Variants in CFAP44 observed in about 807,000 individuals in gnomAD.
CFAP44 encodes the protein cilia- and flagella-associated protein 44.
CFAP44 carries 134 observed loss-of-function variants against 216.2 expected under a neutral mutation model. That is an observed-to-expected ratio of 0.62 (90% CI 0.54 to 0.72). CFAP44 has a LOEUF of 0.72. Ranked by LOEUF, CFAP44 falls within the 30% of genes least tolerant of loss-of-function variation. The pLI is 0.00. For synonymous variants in CFAP44, 700 were observed against 727.6 expected (o/e 0.96, Z 0.61); for missense variants, 2,035 against 2,182.1 (o/e 0.93, Z 1.34).
Position 113,409,245 on chromosome 3 carries a change from C to G in CFAP44, c.751G>C (p.Asp251His), listed in dbSNP as rs1385084315. The change falls in exon 7 of 35, where the codon GAC (aspartate) becomes CAC (histidine). Residue 251 changes from aspartate to histidine, a missense_variant. Around this residue, in one of 3 missense-constraint regions of CFAP44, gnomAD observed 1,883 missense variants for 2,023.7 expected, o/e 0.93. Coordinates refer to ENST00000393845, the MANE Select transcript of CFAP44 (RefSeq NM_001164496.2). ...CAGTTCCAGATAGTCAGTGTGTAGT[C>G]AGGGTTACTACCAACAGAGGCCAGC... ...NLLASVGSNPDYTLTIWNWKE... is the reference protein window; with the variant it reads ...NLLASVGSNPHYTLTIWNWKE... 6.2e-7 allele frequency: 1 copy of G among 1,613,970 alleles called. No homozygotes were observed. The highest frequency in any genetic ancestry group is 2.2e-5 in the East Asian group (1 of 44,882).
intron 25 of CFAP44, among the ~76,000 whole-genome samples, chr3:113,332,719 G>A (rs944393288): frequency 3.3e-5 from 5 of 152,200 alleles, no homozygotes; most frequent in African/African-American, 1.2e-4. Flanking sequence ...ATTGAAAGTG[G>A]TTTGGAAGAA....
intron 6 of CFAP44, among the ~76,000 whole-genome samples, chr3:113,415,819 G>A (rs563591033): frequency 8.3e-4 from 126 of 152,274 alleles, no homozygotes; most frequent in African/African-American, 2.8e-3. Flanking sequence ...GTGGCACTGA[G>A]AAGAATGTAT....
At chr3:113,305,925 T>C (rs1406212499) in intron 30 of CFAP44, among the ~76,000 whole-genome samples, 3 of 152,208 alleles carry the variant, frequency 2.0e-5, no homozygotes, top group Non-Finnish European at 4.4e-5. Context: ...TAAATACATA[T>C]ACATTTATTG....
Position 113,358,737 on chromosome 3 carries a change from G to A in CFAP44, c.3065+8C>T, listed in dbSNP as rs1950513263. The stretch of plus-strand genomic sequence containing the variant: ...AACATCTTAGCTTGTAGAGAATATG[G>A]ATCCTACCGATTCTTTAGCTTCATT... On this transcript the variant is annotated splice_region_variant and intron_variant, in intron 22 of 34. Coordinates refer to ENST00000393845, the MANE Select transcript of CFAP44 (RefSeq NM_001164496.2). The A allele has an allele frequency of 1.3e-6, 2 of 1,536,146 alleles. No individual in the cohort carries two copies. The highest frequency in any genetic ancestry group is 2.0e-5 in the Admixed American group (1 of 50,946).
chr3:113,419,139 G>A (rs554324507), intron 5 of CFAP44, among the ~76,000 whole-genome samples: 1 of 152,322 alleles, frequency 6.6e-6, no homozygotes, highest in East Asian at 1.9e-4. Context: ...ATAATTAGAT[G>A]TTTCTTGGTC....
chr3:113,406,459 C>T (rs1934281746), intron 8 of CFAP44, among the ~76,000 whole-genome samples: 1 of 152,068 alleles, frequency 6.6e-6, no homozygotes, highest in Admixed American at 6.5e-5. Flanking sequence ...CCCGTCTCTA[C>T]TAAAAATACA....
intron 34 of CFAP44, among the ~76,000 whole-genome samples, chr3:113,293,681 A>G (rs1175623551): frequency 2.6e-5 from 4 of 152,222 alleles, no homozygotes; most frequent in Non-Finnish European, 5.9e-5. Flanking sequence ...CCTTCACTCA[A>G]AAGTTCTTCA....
At chr3:113,413,082 G>A (rs1378176096) in intron 6 of CFAP44, among the ~76,000 whole-genome samples, 1 of 152,010 alleles carries the variant, frequency 6.6e-6, no homozygotes, top group Admixed American at 6.6e-5. Flanking sequence ...GGCATGAGAT[G>A]GTATCTCATT....
At chr3:113,404,204 A>G (rs2107364400) in intron 8 of CFAP44, 188 bp from the exon 9 acceptor site, 1 of 646,060 alleles carries the variant, frequency 1.5e-6, no homozygotes. Flanking sequence ...TAACATTTTG[A>G]TGTATTTCCT....
chr3:113,407,372 T>C (rs1301039041), intron 7 of CFAP44, among the ~76,000 whole-genome samples: 1 of 152,212 alleles, frequency 6.6e-6, no homozygotes, highest in East Asian at 1.9e-4. Flanking sequence ...AAAATCAACA[T>C]TTTAGTGTTT....
At chr3:113,363,595 T>C (rs1950561942) in intron 19 of CFAP44, 63 bp from the exon 20 acceptor site, 2 of 1,368,488 alleles carry the variant, frequency 1.5e-6, no homozygotes, top group Admixed American at 2.5e-5. Flanking sequence ...TTAAAATATC[T>C]AGGAAGAAGT....
intron 15 of CFAP44, among the ~76,000 whole-genome samples, chr3:113,390,410 G>A (rs371224567): frequency 1.1e-3 from 173 of 152,120 alleles, no homozygotes; most frequent in African/African-American, 3.9e-3. Context: ...AAGAAATACA[G>A]AAAGCCTTTC....
intron 22 of CFAP44, among the ~76,000 whole-genome samples, chr3:113,349,404 G>A (rs1259533805): frequency 6.6e-6 from 1 of 152,126 alleles, no homozygotes; most frequent in Non-Finnish European, 1.5e-5. Context: ...GGTACCAAGA[G>A]GAACATGCCG....
intron 25 of CFAP44, among the ~76,000 whole-genome samples, chr3:113,331,457 T>A (rs1253602489): frequency 6.6e-6 from 1 of 151,940 alleles, no homozygotes; most frequent in Non-Finnish European, 1.5e-5. Context: ...AACATACAGT[T>A]TTTTAAAGAT....
chr3:113,376,436 A>G (rs976276508), intron 17 of CFAP44, among the ~76,000 whole-genome samples: 6 of 152,214 alleles, frequency 3.9e-5, no homozygotes, highest in Non-Finnish European at 8.8e-5. Flanking sequence ...CTGTGTAGTT[A>G]CCTTAGCAAG....
chr3:113,396,705 A>G lies in CFAP44; in HGVS notation c.1592T>C (p.Ile531Thr). ...PRMVNFTGAQIIVGFEDGVVR... is the reference protein window; with the variant it reads ...PRMVNFTGAQTIVGFEDGVVR... Reference sequence around the variant, plus strand: ...AACTCCATCTTCAAATCCTACAATAATTTGTGCTCCAGTGAAGTTTACCTT... The same window carrying G: ...AACTCCATCTTCAAATCCTACAATAGTTTGTGCTCCAGTGAAGTTTACCTT... The change falls in exon 14 of 35, where the codon ATT becomes ACT. Residue 531 changes from isoleucine to threonine, a missense_variant. Transcript: ENST00000393845. 1.2e-6 allele frequency: 2 copies of G among 1,613,922 alleles called. No homozygotes were observed. The highest frequency in any genetic ancestry group is 1.7e-6 in the Non-Finnish European group (2 of 1,179,888).
At position 113,332,659 on chromosome 3, in the gene CFAP44, G is replaced by C. The variant is rs147732360; in HGVS notation, c.3615+747C>G. 4.8e-3 allele frequency among the ~76,000 whole-genome samples: 738 copies of C among 152,228 alleles called. 6 individuals are homozygous for C. Among genetic ancestry groups the C allele is most frequent in the Middle Eastern group, 0.01 (3 of 294 alleles). On this transcript the variant is annotated intron_variant, in intron 25 of 34. Transcript: ENST00000393845. ...AAATGGTGATTAAGGAATTAATATA[G>C]CAGGAAGAGGAACTTTCATAAGAAA...
At chr3:113,420,527 C>A (rs1448595702) in intron 4 of CFAP44, among the ~76,000 whole-genome samples, 1 of 152,106 alleles carries the variant, frequency 6.6e-6, no homozygotes, top group Non-Finnish European at 1.5e-5. Context: ...TATTTGGGTA[C>A]CACAGGCAGC....
At chr3:113,319,064 A>G (rs1054520958) in intron 28 of CFAP44, among the ~76,000 whole-genome samples, 1 of 152,198 alleles carries the variant, frequency 6.6e-6, no homozygotes, top group African/African-American at 2.4e-5. Context: ...TCATGATGAC[A>G]GGATCAAAAA....
Sources: gnomAD v4.1 joint callset for allele counts (sites outside exome capture counted in the v4.1 genomes callset) on GRCh38, gnomAD v4.1.1 for gene constraint, gnomAD v4.1.1 regional missense constraint, MANE v1.5 for transcripts, NCBI Gene and HGNC (gene_info 2026-07-23, HGNC 2026-07-21) for gene names.